Variants in BMPR1A observed in about 807,000 individuals in gnomAD.
BMPR1A encodes the protein bone morphogenetic protein receptor type 1A.
Under a neutral mutation model 66.0 loss-of-function variants are expected in BMPR1A, and 7 were observed. That is an observed-to-expected ratio of 0.11 (90% CI 0.06 to 0.20). The LOEUF is 0.20. Among genes scored for constraint, BMPR1A ranks in the 10% least tolerant of loss-of-function variants. BMPR1A has a pLI of 1.00. For missense variants in BMPR1A, 408 were observed against 669.1 expected, an observed-to-expected ratio of 0.61 and a Z score of 4.31; for synonymous variants, 200 against 229.7, an observed-to-expected ratio of 0.87 and a Z score of 1.17.
At chr10:86,881,049 G>A (rs1842979189) in intron 3 of BMPR1A, among the ~76,000 whole-genome samples, 1 of 151,934 alleles carries the variant, frequency 6.6e-6, no homozygotes, top group South Asian at 2.1e-4. Flanking sequence ...AAAATAGTTT[G>A]AGACCAGCCT....
intron 2 of BMPR1A, among the ~76,000 whole-genome samples, chr10:86,863,131 C>A (rs11202234): frequency 0.046 from 6,970 of 152,082 alleles, 205 homozygotes; most frequent in South Asian, 0.078. Flanking sequence ...GCACCCACCA[C>A]CAGGCCTGGC....
chr10:86,809,069 T>C (rs1183749931), intron 1 of BMPR1A, among the ~76,000 whole-genome samples: 2 of 152,190 alleles, frequency 1.3e-5, no homozygotes, highest in Admixed American at 6.5e-5. Flanking sequence ...GTTCATTCAT[T>C]GTGAAAAATC....
intron 1 of BMPR1A, among the ~76,000 whole-genome samples, chr10:86,767,205 TA>T (rs1841179573): frequency 6.6e-6 from 1 of 152,182 alleles, no homozygotes; most frequent in African/African-American, 2.4e-5. Flanking sequence ...GTATGAATAT[TA>T]AAAAACAAAA....
At chr10:86,785,957 T>G (rs1841508269) in intron 1 of BMPR1A, among the ~76,000 whole-genome samples, 1 of 152,194 alleles carries the variant, frequency 6.6e-6, no homozygotes, top group Admixed American at 6.5e-5. Flanking sequence ...TAAATGATCA[T>G]TTAGACCTGC....
chr10:86,892,235 A>T lies in BMPR1A; in HGVS notation c.333+6A>T, dbSNP rs1473659802. ...GATCTGATTTTCAGTGCAAAGTAAG[A>T]TATAATTTGGGACCCATGAGACAAA... On this transcript the variant is annotated splice_donor_region_variant and intron_variant, in intron 5 of 12. Transcript: ENST00000372037. 1 of 1,609,794 alleles carries T rather than the reference A, an allele frequency of 6.2e-7. No homozygotes were observed. Among genetic ancestry groups the T allele is most frequent in the East Asian group, 2.2e-5 (1 of 44,838 alleles).
At chr10:86,846,124 T>C (rs1290481015) in intron 2 of BMPR1A, among the ~76,000 whole-genome samples, 1 of 152,208 alleles carries the variant, frequency 6.6e-6, no homozygotes, top group African/African-American at 2.4e-5. Context: ...GAGAATGCTC[T>C]AAGAGCCCTC....
At position 86,871,470 on chromosome 10, in the gene BMPR1A, G is replaced by A. The variant is rs148190906; in HGVS notation, c.-152-4397G>A. 3.9e-3 allele frequency among the ~76,000 whole-genome samples: 598 copies of A among 152,274 alleles called. 1 individual carries two copies. Among genetic ancestry groups the A allele is most frequent in the African/African-American group, 0.014 (572 of 41,554 alleles). On this transcript the variant is annotated intron_variant, in intron 2 of 12. Transcript: ENST00000372037. Reference sequence around the variant, plus strand: ...GAATAAATTAATAATTCAACGGCAAGAACACTGTTTCCATAGGACTCCAGC... The same window carrying A: ...GAATAAATTAATAATTCAACGGCAAAAACACTGTTTCCATAGGACTCCAGC...
At chr10:86,856,940 C>G (rs984913078) in intron 2 of BMPR1A, among the ~76,000 whole-genome samples, 2 of 152,166 alleles carry the variant, frequency 1.3e-5, no homozygotes, top group Admixed American at 6.5e-5. Flanking sequence ...CAGATCAGGA[C>G]CAGCCAAATG....
chr10:86,759,801 A>G (rs1431088311), intron 1 of BMPR1A, among the ~76,000 whole-genome samples: 3 of 152,118 alleles, frequency 2.0e-5, no homozygotes, highest in African/African-American at 7.2e-5. Context: ...TTAGGCCTAG[A>G]TCTTTTTTCT....
intron 2 of BMPR1A, among the ~76,000 whole-genome samples, chr10:86,842,000 G>C (rs143486595): frequency 5.3e-5 from 8 of 152,270 alleles, no homozygotes; most frequent in African/African-American, 1.9e-4. Context: ...AAACATAAAT[G>C]TTTCCTTGAA....
intron 3 of BMPR1A, among the ~76,000 whole-genome samples, chr10:86,878,973 TAAA>T (rs71477615): frequency 4.0e-5 from 6 of 151,386 alleles, no homozygotes; most frequent in Non-Finnish European, 8.8e-5. Flanking sequence ...TACAAATAAT[TAAA>T]AAAAAATTAA....
chr10:86,924,225 C>T lies in BMPR1A; in HGVS notation c.*506C>T, dbSNP rs1369496765. ...TATTTTATGATAGTTTGTCCTGTGT[C>T]CTTAGTGATGTGTGTGTGTCTCCAT... is the stretch of plus-strand genomic sequence containing the variant. On this transcript the variant is annotated 3_prime_UTR_variant, in exon 13 of 13. Coordinates refer to ENST00000372037, the MANE Select transcript of BMPR1A (RefSeq NM_004329.3). 2.3e-5 allele frequency: 6 copies of T among 262,060 alleles called. No individual in the cohort carries two copies. Among genetic ancestry groups the T allele is most frequent in the African/African-American group, 1.1e-4 (5 of 45,930 alleles). 16.2% of individuals were successfully genotyped at this position (262,060 alleles called of 1,614,324 possible). A position where few individuals can be genotyped will look rare whatever the true frequency, so the allele number is the denominator to read the frequency against.
intron 1 of BMPR1A, among the ~76,000 whole-genome samples, chr10:86,761,963 A>C (rs2132592745): frequency 6.6e-6 from 1 of 152,322 alleles, no homozygotes; most frequent in African/African-American, 2.4e-5. Context: ...GGGGTTTGAC[A>C]GAGGTTTGTG....
intron 9 of BMPR1A, among the ~76,000 whole-genome samples, chr10:86,918,616 CCTTTT>C (rs1191680765): frequency 1.6e-3 from 244 of 149,668 alleles, no homozygotes; most frequent in Admixed American, 4.2e-3. Flanking sequence ...TCTTTTCTTT[CCTTTT>C]CTTTTCTTTT....
chr10:86,762,439 A>G (rs753031608), intron 1 of BMPR1A, among the ~76,000 whole-genome samples: 2 of 151,962 alleles, frequency 1.3e-5, no homozygotes, highest in African/African-American at 2.4e-5. Context: ...GCTCACTGCA[A>G]CCTCCGCCTC....
intron 2 of BMPR1A, among the ~76,000 whole-genome samples, chr10:86,845,241 A>G (rs148571787): frequency 4.7e-4 from 71 of 152,306 alleles, no homozygotes; most frequent in Non-Finnish European, 7.5e-4. Context: ...TGAGACAGAG[A>G]AGGGAGTGAA....
intron 1 of BMPR1A, among the ~76,000 whole-genome samples, chr10:86,834,638 G>A (rs1231538223): frequency 6.6e-6 from 1 of 152,172 alleles, no homozygotes; most frequent in African/African-American, 2.4e-5. Context: ...CCATTCATGA[G>A]TTGACCCTCC....
rs150741413 is a variant in BMPR1A, at chr10:86,819,413, C to T, written c.-267-19452C>T. Among the ~76,000 whole-genome samples, 666 of 152,160 alleles carry T rather than the reference C, an allele frequency of 4.4e-3. 9 individuals are homozygous for T. The highest frequency in any genetic ancestry group is 0.015 in the African/African-American group (628 of 41,508). ...GCAGTCTCTGCCTCCTGGGCTCAAG[C>T]GATTCTCCTGCCTCAGCCTCCTGAG... is the stretch of plus-strand genomic sequence containing the variant. On this transcript the variant is annotated intron_variant, in intron 1 of 12. Transcript: ENST00000372037.
chr10:86,800,871 T>A (rs1327307534), intron 1 of BMPR1A, among the ~76,000 whole-genome samples: 3 of 152,200 alleles, frequency 2.0e-5, no homozygotes, highest in Non-Finnish European at 4.4e-5. Context: ...AATTCAGACA[T>A]TGAAAGGGAT....
Sources: allele counts gnomAD v4.1 joint callset (sites outside exome capture counted in the v4.1 genomes callset), GRCh38; gene constraint gnomAD v4.1.1; transcripts MANE v1.5; gene names NCBI Gene and HGNC (gene_info 2026-07-23, HGNC 2026-07-21).